The following TPCN1 variants were observed in gnomAD, a reference collection of about 807,000 sequenced individuals.
TPCN1 encodes two pore segment channel 1, also known as two pore channel protein 1.
TPCN1 carries 52 observed loss-of-function variants against 108.8 expected under a neutral mutation model. That is an observed-to-expected ratio of 0.48 (90% CI 0.38 to 0.60). TPCN1 has a LOEUF of 0.60. TPCN1 is among the 20% of genes least tolerant of loss of function. The pLI, the probability that TPCN1 is intolerant of heterozygous loss-of-function variation, is 0.00. For synonymous variants in TPCN1, 446 were observed against 433.7 expected (o/e 1.03, Z -0.35); for missense variants, 806 against 1,072.8 (o/e 0.75, Z 3.47).
intron 14 of TPCN1, among the ~76,000 whole-genome samples, chr12:113,279,391 A>ATATTTTTTTTTTTTTT (rs1434381451): frequency 9.5e-5 from 1 of 10,488 alleles, no homozygotes; most frequent in African/African-American, 5.0e-4. Context: ...ATATATATAT[A>ATATTTTTTTTTTTTTT]TTTTTTTTTT....
At chr12:113,265,602 A>G (rs1024395032) in intron 3 of TPCN1, among the ~76,000 whole-genome samples, 3 of 146,042 alleles carry the variant, frequency 2.1e-5, no homozygotes, top group African/African-American at 7.7e-5. Context: ...GCTGGAGCGC[A>G]GTGGCACGAT....
chr12:113,225,119 A>C (rs1953423055), intron 1 of TPCN1: 1 of 377,312 alleles, frequency 2.7e-6, no homozygotes, highest in African/African-American at 2.1e-5. Context: ...CAGTGGTGTG[A>C]TCATAGCTCA....
chr12:113,264,871 G>A (rs1401287759), intron 3 of TPCN1, among the ~76,000 whole-genome samples: 1 of 152,100 alleles, frequency 6.6e-6, no homozygotes, highest in Non-Finnish European at 1.5e-5. Flanking sequence ...CGGGGCCCAG[G>A]TTGGAGTATA....
intron 2 of TPCN1, among the ~76,000 whole-genome samples, chr12:113,250,849 C>T (rs1954607718): frequency 1.3e-5 from 2 of 151,778 alleles, no homozygotes; most frequent in Non-Finnish European, 2.9e-5. Context: ...TGGTGCATGC[C>T]CAGCTACTCA....
intron 3 of TPCN1, among the ~76,000 whole-genome samples, chr12:113,263,340 TGC>T (rs1194249753): frequency 6.6e-6 from 1 of 152,212 alleles, no homozygotes; most frequent in African/African-American, 2.4e-5. Context: ...CTTGGCTCGC[TGC>T]AACCTCCTCC....
chr12:113,280,163 T>A lies in TPCN1; in HGVS notation c.1310T>A (p.Leu437His). ...TTTCTTCAAATAGGTATTAATATCC[T>A]TGTGAAGTCCAAGGCCTTCCAGTAT... ...ALLIFKGINI[L>H]VKSKAFQYFM... The change falls in exon 15 of 28, where the codon CTT becomes CAT. Residue 437 changes from leucine (L) to histidine (H), a missense_variant. Physicochemically the swap from Leu to His is moderately conservative, Grantham distance 99. Coordinates refer to ENST00000335509, the MANE Select transcript of TPCN1 (RefSeq NM_017901.6). 6.2e-7 allele frequency: 1 copy of A among 1,608,644 alleles called. No homozygotes were observed. Among genetic ancestry groups the A allele is most frequent in the South Asian group, 1.1e-5 (1 of 90,800 alleles).
At chr12:113,261,065 G>A (rs892456791) in intron 3 of TPCN1, among the ~76,000 whole-genome samples, 4 of 152,116 alleles carry the variant, frequency 2.6e-5, no homozygotes, top group East Asian at 3.9e-4. Context: ...GTTGGTGGGC[G>A]CCTGTAATCC....
chr12:113,262,462 G>A (rs1299788729), intron 3 of TPCN1, among the ~76,000 whole-genome samples: 1 of 150,956 alleles, frequency 6.6e-6, no homozygotes, highest in Non-Finnish European at 1.5e-5. Context: ...TTTGATGGTT[G>A]TTCAATCATC....
chr12:113,282,222 C>T (rs898728067), intron 15 of TPCN1, among the ~76,000 whole-genome samples: 1 of 151,494 alleles, frequency 6.6e-6, no homozygotes, highest in Non-Finnish European at 1.5e-5. Context: ...TCCCAAGTAG[C>T]TGGGACTACA....
Position 113,260,453 on chromosome 12 carries a change from C to A in TPCN1, c.198C>A (p.Asn66Lys). The A allele has an allele frequency of 1.3e-6, 2 of 1,571,118 alleles. No individual in the cohort carries two copies. Among genetic ancestry groups the A allele is most frequent in the Non-Finnish European group, 1.7e-6 (2 of 1,161,432 alleles). The change falls in exon 3 of 28, where the codon AAC becomes AAA. Residue 66 changes from asparagine (N) to lysine (K), a missense_variant. Coordinates refer to ENST00000335509, the MANE Select transcript of TPCN1 (RefSeq NM_017901.6). ...GESSPSSPAHNWEMNYQEAAI... is the reference protein window; with the variant it reads ...GESSPSSPAHKWEMNYQEAAI... ...GTTCCCCCTCCAGCCCCGCACACAA[C>A]TGGGAGATGAATTACCAAGAGGCAG...
At position 113,284,869 on chromosome 12, in the gene TPCN1, G is replaced by A; in HGVS notation, c.1453+98G>A. 1 of 1,363,648 alleles carries A rather than the reference G, an allele frequency of 7.3e-7. No homozygotes were observed. The highest frequency in any genetic ancestry group is 2.3e-5 in the East Asian group (1 of 43,666). The allele number at this position is 1,363,648 out of a possible 1,614,324, so 84.5% of individuals were successfully genotyped here. A position where few individuals can be genotyped will look rare whatever the true frequency, so the allele number is the denominator to read the frequency against. On this transcript the variant is annotated intron_variant, in intron 17 of 27. Transcript: ENST00000335509. This position sits in a 1 kb window ranked among gnomAD's most constrained non-coding sequence, Gnocchi z 4.1. ...ACCTCATGGTTCTTCTCTAAAACAG[G>A]AAGCTATAAAGAGACGGAGTAATCA...
intron 2 of TPCN1, among the ~76,000 whole-genome samples, chr12:113,256,352 A>G (rs951179388): frequency 6.6e-6 from 1 of 151,436 alleles, no homozygotes; most frequent in Non-Finnish European, 1.5e-5. Flanking sequence ...GCATGTATGT[A>G]TGTATTTATT....
intron 2 of TPCN1, among the ~76,000 whole-genome samples, chr12:113,238,173 G>A (rs909817123): frequency 4.6e-5 from 7 of 152,178 alleles, no homozygotes; most frequent in Admixed American, 2.6e-4. Context: ...CCACACTTCC[G>A]GTATTGAGGA....
rs926257004 is a variant in TPCN1, at chr12:113,296,210, C to T, written c.*134C>T. 1.0e-5 allele frequency: 14 copies of T among 1,359,798 alleles called. No individual in the cohort carries two copies. The highest frequency in any genetic ancestry group is 2.4e-5 in the East Asian group (1 of 41,114). The allele number at this position is 1,359,798 out of a possible 1,614,324, so 84.2% of individuals were successfully genotyped here. On this transcript the variant is annotated 3_prime_UTR_variant, in exon 28 of 28. Coordinates refer to ENST00000335509, the MANE Select transcript of TPCN1 (RefSeq NM_017901.6). ...TATATACAGGAAGAAAAAAGACAGA[C>T]AAGATGGGGCTTGGTTTATAACCAC...
At chr12:113,275,790 A>G (rs188626721) in intron 10 of TPCN1, among the ~76,000 whole-genome samples, 2 of 150,840 alleles carry the variant, frequency 1.3e-5, no homozygotes, top group Non-Finnish European at 3.0e-5. Context: ...GTTAGCCAGG[A>G]TGGTCTCAAT....
intron 3 of TPCN1, among the ~76,000 whole-genome samples, chr12:113,263,877 C>T (rs151160888): frequency 1.3e-5 from 2 of 152,200 alleles, no homozygotes; most frequent in African/African-American, 2.4e-5. Flanking sequence ...GAAACAGGGC[C>T]GATATTCTCT....
intron 2 of TPCN1, among the ~76,000 whole-genome samples, chr12:113,247,734 C>G (rs1293132237): frequency 6.6e-6 from 1 of 152,240 alleles, no homozygotes; most frequent in Non-Finnish European, 1.5e-5. Flanking sequence ...AATATGTAGC[C>G]CAGTTGCTCG....
intron 27 of TPCN1, among the ~76,000 whole-genome samples, chr12:113,294,825 C>T (rs572431794): frequency 6.6e-6 from 1 of 152,222 alleles, no homozygotes; most frequent in South Asian, 2.1e-4. Context: ...GCCAGGGCTC[C>T]GGGGAGCCTC....
At position 113,289,694 on chromosome 12, in the gene TPCN1, T is replaced by C. The variant is rs1363623486; in HGVS notation, c.1797-434T>C. On this transcript the variant is annotated intron_variant, in intron 21 of 27. Transcript: ENST00000335509. The surrounding 1 kb of genome is among the most constrained non-coding windows in gnomAD (Gnocchi z 4.1). ...AGAGCTCCTCAAAACAGGGCCAACC[T>C]TTTCAAATACTTGCTCAGGCCAAGT... is the stretch of plus-strand genomic sequence containing the variant. Among the ~76,000 whole-genome samples, 3 of 152,228 alleles carry C rather than the reference T, an allele frequency of 2.0e-5. No individual in the cohort carries two copies. Among genetic ancestry groups the C allele is most frequent in the African/African-American group, 7.2e-5 (3 of 41,462 alleles).
Sources: allele counts gnomAD v4.1 joint callset (sites outside exome capture counted in the v4.1 genomes callset), GRCh38; gene constraint gnomAD v4.1.1; non-coding constraint Gnocchi (gnomAD v3.1); transcripts MANE v1.5; gene names NCBI Gene and HGNC (gene_info 2026-07-23, HGNC 2026-07-21).